SGCD: variants seen among roughly 807,000 people sequenced by gnomAD.
The protein encoded by SGCD is sarcoglycan delta.
SGCD carries 18 observed loss-of-function variants against 36.6 expected under a neutral mutation model. That is an observed-to-expected ratio of 0.49 (90% CI 0.34 to 0.73). SGCD has a LOEUF of 0.73. SGCD is among the 30% of genes least tolerant of loss of function. The probability of loss-of-function intolerance (pLI) is 0.01; values close to 1 mark genes in which losing one functional copy is unlikely to be tolerated. For missense variants in SGCD, 387 were observed against 346.7 expected (o/e 1.12, Z -0.92); for synonymous variants, 133 against 130.6 (o/e 1.02, Z -0.12).
chr5:156,548,069 A>G (rs1290000170), intron 4 of SGCD, among the ~76,000 whole-genome samples: 1 of 152,196 alleles, frequency 6.6e-6, no homozygotes, highest in African/African-American at 2.4e-5. Flanking sequence ...AGCTGTTTCT[A>G]ACTGCTTCTT....
At chr5:156,229,261 CATATATATATACATACATATATAT>C (rs1376151717) in intron 3 of SGCD, among the ~76,000 whole-genome samples, 2,835 of 14,032 alleles carry the variant, frequency 0.2, 245 homozygotes, top group African/African-American at 0.41. Context: ...TACATACATA[CATATATATATACATACATATATAT>C]ATATATATAT....
chr5:155,953,806 C>T (rs1318053996), intron 1 of SGCD, among the ~76,000 whole-genome samples: 3 of 152,168 alleles, frequency 2.0e-5, no homozygotes, highest in Non-Finnish European at 4.4e-5. Flanking sequence ...AATTCATTTT[C>T]TTCGTGTCTG....
chr5:156,753,795 T>C (rs150003354), intron 7 of SGCD, among the ~76,000 whole-genome samples: 2,140 of 152,232 alleles, frequency 0.014, 57 homozygotes, highest in East Asian at 0.041. Flanking sequence ...ACCACCCCCA[T>C]GATTCAATTA....
intron 1 of SGCD, among the ~76,000 whole-genome samples, chr5:155,993,059 C>T (rs1330821011): frequency 6.6e-6 from 1 of 152,168 alleles, no homozygotes; most frequent in African/African-American, 2.4e-5. Context: ...ACCCAAGATC[C>T]TTCTGAAATG....
At chr5:156,168,100 A>G (rs1392754400) in intron 3 of SGCD, among the ~76,000 whole-genome samples, 3 of 152,250 alleles carry the variant, frequency 2.0e-5, no homozygotes, top group East Asian at 3.8e-4. Context: ...CACTTCAACC[A>G]TTTAACAGAG....
intron 3 of SGCD, among the ~76,000 whole-genome samples, chr5:156,262,416 G>A (rs1367619402): frequency 6.6e-6 from 1 of 152,136 alleles, no homozygotes; most frequent in Non-Finnish European, 1.5e-5. Context: ...GCCTAGGTGT[G>A]TATTAGGCTC....
upstream of SGCD, among the ~76,000 whole-genome samples, chr5:155,869,970 C>T (rs148818510): frequency 3.4e-3 from 523 of 151,864 alleles, 1 homozygote; most frequent in South Asian, 9.0e-3. Context: ...TACTGCACTC[C>T]TGGGCAAGGC....
At chr5:156,117,749 G>T (rs1391307278) in intron 1 of SGCD, 1 of 152,138 alleles carries the variant, frequency 6.6e-6, no homozygotes, top group Non-Finnish European at 1.5e-5. Context: ...ATCAAACCTA[G>T]GCAGGGATCT....
chr5:156,232,205 T>C (rs549117887), intron 3 of SGCD, among the ~76,000 whole-genome samples: 11 of 152,124 alleles, frequency 7.2e-5, no homozygotes, highest in Non-Finnish European at 1.6e-4. Flanking sequence ...CCTCATACTT[T>C]GCTGCAATTA....
intron 3 of SGCD, among the ~76,000 whole-genome samples, chr5:156,362,708 T>C (rs897924525): frequency 6.6e-6 from 1 of 152,126 alleles, no homozygotes; most frequent in Non-Finnish European, 1.5e-5. Flanking sequence ...TCGTGGCTAG[T>C]CTCTGGGATG....
intron 1 of SGCD, among the ~76,000 whole-genome samples, chr5:156,090,777 C>A (rs192276201): frequency 6.6e-6 from 1 of 152,246 alleles, no homozygotes; most frequent in Admixed American, 6.5e-5. Context: ...TATAGACCTA[C>A]CCCTGGGAAT....
chr5:156,615,973 C>T (rs1340918736), intron 6 of SGCD, among the ~76,000 whole-genome samples: 1 of 152,150 alleles, frequency 6.6e-6, no homozygotes, highest in East Asian at 1.9e-4. Flanking sequence ...ATTCGGGTCT[C>T]ACTTGGTTGT....
chr5:156,235,382 C>G (rs1488286177), intron 3 of SGCD, among the ~76,000 whole-genome samples: 3 of 152,144 alleles, frequency 2.0e-5, no homozygotes, highest in African/African-American at 7.2e-5. Context: ...CACAGTTTTC[C>G]TTTTTTAAAA....
chr5:156,157,861 T>G (rs1242999552), intron 3 of SGCD, among the ~76,000 whole-genome samples: 1 of 151,738 alleles, frequency 6.6e-6, no homozygotes, highest in Non-Finnish European at 1.5e-5. Flanking sequence ...GTTTTGTGAT[T>G]TTTAAAATAA....
chr5:156,673,387 G>A (rs1753382279), intron 7 of SGCD, among the ~76,000 whole-genome samples: 1 of 152,104 alleles, frequency 6.6e-6, no homozygotes, highest in Non-Finnish European at 1.5e-5. Context: ...CAGCAGAACT[G>A]TGCTTAATTT....
At chr5:156,286,587 C>T (rs989289690) in intron 3 of SGCD, among the ~76,000 whole-genome samples, 44 of 152,112 alleles carry the variant, frequency 2.9e-4, no homozygotes, top group Admixed American at 1.8e-3. Flanking sequence ...ATAAACCAAA[C>T]ACCGCATGTT....
chr5:156,423,682 A>G (rs1230778838), intron 3 of SGCD, among the ~76,000 whole-genome samples: 1 of 151,638 alleles, frequency 6.6e-6, no homozygotes, highest in Non-Finnish European at 1.5e-5. Flanking sequence ...CCAAGATCCA[A>G]TGATCACACA....
chr5:156,679,916 C>T (rs949251964), intron 7 of SGCD, among the ~76,000 whole-genome samples: 1 of 152,166 alleles, frequency 6.6e-6, no homozygotes, highest in Non-Finnish European at 1.5e-5. Flanking sequence ...TTTCTTCCAG[C>T]TGCCTATCAA....
chr5:155,821,681 G>A, the SGCD span, among the ~76,000 whole-genome samples: 2,562 of 152,160 alleles, frequency 0.017, 78 homozygotes, highest in African/African-American at 0.059. Context: ...CTTTAATAGA[G>A]TGCAATGTTG....
Sources: allele counts gnomAD v4.1 joint callset (sites outside exome capture counted in the v4.1 genomes callset), GRCh38; gene constraint gnomAD v4.1.1; transcripts MANE v1.5; gene names NCBI Gene and HGNC (gene_info 2026-07-23, HGNC 2026-07-21).